The following POLR3B variants were observed in gnomAD, a reference collection of about 807,000 sequenced individuals.
POLR3B encodes the protein RNA polymerase III subunit B.
In POLR3B, 96 loss-of-function variants were observed where a neutral mutation model predicts 147.4. That is an observed-to-expected ratio of 0.65 (90% confidence interval 0.55 to 0.77). The LOEUF (loss-of-function observed/expected upper bound fraction) is 0.77. Among genes scored for constraint, POLR3B ranks in the 30% least tolerant of loss-of-function variants. The pLI is 0.00. For missense variants in POLR3B, 1,036 were observed against 1,413.5 expected (o/e 0.73, Z 4.28); for synonymous variants, 461 against 485.9 (o/e 0.95, Z 0.67).
Position 106,357,795 on chromosome 12 carries a change from C to A in POLR3B, c.-85C>A. 1 of 1,347,578 alleles carries A rather than the reference C, an allele frequency of 7.4e-7. No individual in the cohort carries two copies. The highest frequency in any genetic ancestry group is 1.0e-6 in the Non-Finnish European group (1 of 958,708). 83.5% of individuals were successfully genotyped at this position (1,347,578 alleles called of 1,614,324 possible). A position where few individuals can be genotyped will look rare whatever the true frequency, so the allele number is the denominator to read the frequency against. ...GGGGACAGTTTAGGCCTCCGCGCAC[C>A]GTTCGCCGGGAGTCTTGCAGTTTGC... is the stretch of plus-strand genomic sequence containing the variant. On this transcript the variant is annotated 5_prime_UTR_variant, in exon 1 of 28. Coordinates refer to ENST00000228347, the MANE Select transcript of POLR3B (RefSeq NM_018082.6).
Position 106,509,521 on chromosome 12 carries a change from G to C in POLR3B, c.3374G>C (p.Arg1125Thr), listed in dbSNP as rs749008585. 1.2e-6 allele frequency: 2 copies of C among 1,612,892 alleles called. No homozygotes were observed. Among genetic ancestry groups the C allele is most frequent in the African/African-American group, 1.3e-5 (1 of 74,864 alleles). ...QELQSMNIIP[R>T]LKLSKYNE is the part of the protein sequence containing the mutation. The stretch of plus-strand genomic sequence containing the variant: ...CTACAGTCTATGAACATCATCCCCA[G>C]GTTAAAACTGTCCAAGTACAATGAA... The change falls in exon 28 of 28, where the codon AGG (arginine) becomes ACG (threonine). Residue 1125 changes from arginine to threonine, a missense_variant. Physicochemically the swap from Arg to Thr is moderately conservative, Grantham distance 71. Coordinates refer to ENST00000228347, the MANE Select transcript of POLR3B (RefSeq NM_018082.6).
Position 106,509,674 on chromosome 12 carries a change from CAA to C in POLR3B, c.*133_*134del. ...TTGCGTATTCTCTCTCTAAAACAAC[CAA>C]AAAAAAATGGAGAGGCTTTTTATAT... On this transcript the variant is annotated 3_prime_UTR_variant, in exon 28 of 28. Transcript: ENST00000228347. 1.2e-6 allele frequency: 1 copy of C among 852,558 alleles called. No individual in the cohort carries two copies. The highest frequency in any genetic ancestry group is 1.8e-6 in the Non-Finnish European group (1 of 550,922). The allele number at this position is 852,558 out of a possible 1,614,324, so 52.8% of individuals were successfully genotyped here.
chr12:106,376,291 T>G, intron 6 of POLR3B, 68 bp from the exon 7 acceptor site: 1 of 1,052,960 alleles, frequency 9.5e-7, no homozygotes, highest in Non-Finnish European at 1.5e-6. Context: ...CTGCATGTTT[T>G]GTATTTTTTG....
At chr12:106,478,692 C>T (rs1349879458) in intron 23 of POLR3B, among the ~76,000 whole-genome samples, 1 of 151,980 alleles carries the variant, frequency 6.6e-6, no homozygotes, top group African/African-American at 2.4e-5. Flanking sequence ...TGACATGGGA[C>T]TCGTAACTGG....
At chr12:106,501,484 A>G in intron 26 of POLR3B, 48 bp downstream of exon 26, 1 of 1,109,794 alleles carries the variant, frequency 9.0e-7, no homozygotes, top group East Asian at 2.4e-5. Flanking sequence ...AGTCAAGTCC[A>G]CCTTGTATTT....
intron 2 of POLR3B, among the ~76,000 whole-genome samples, chr12:106,365,084 G>A (rs993086077): frequency 2.6e-5 from 4 of 152,096 alleles, no homozygotes; most frequent in Non-Finnish European, 5.9e-5. Context: ...GCAGTGAGCC[G>A]AGATCGCGCC....
In POLR3B at chr12:106,376,629, C is replaced by CTTTTTTTTTTTTTTTT. The variant is rs137973753; in HGVS notation, c.496+185_496+186insTTTTTTTTTTTTTTTT. 6.8e-5 allele frequency among the ~76,000 whole-genome samples: 10 copies of CTTTTTTTTTTTTTTTT among 147,442 alleles called. 2 individuals carry two copies. The highest frequency in any genetic ancestry group is 2.3e-4 in the African/African-American group (9 of 38,856). On this transcript the variant is annotated intron_variant, in intron 7 of 27. Transcript: ENST00000228347. The stretch of plus-strand genomic sequence containing the variant: ...GCTACTAGTCTGTATTTCTTTCTTT[C>CTTTTTTTTTTTTTTTT]TTTTTTGAGATAGTGTCTCACTCTG...
chr12:106,474,440 G>T (rs1185799760), intron 23 of POLR3B, among the ~76,000 whole-genome samples: 1 of 93,934 alleles, frequency 1.1e-5, no homozygotes, highest in East Asian at 3.0e-4. Context: ...AGAAGGAATG[G>T]TACCAGTTCC....
intron 11 of POLR3B, chr12:106,410,559 A>G (rs1298317376): frequency 2.2e-6 from 1 of 454,344 alleles, no homozygotes; most frequent in East Asian, 4.2e-5. Context: ...ACCTTTAATG[A>G]AGGAATGGCA....
chr12:106,369,235 C>T lies in POLR3B; in HGVS notation c.228-40C>T, dbSNP rs7134881. 0.32 allele frequency: 326,626 copies of T among 1,032,724 alleles called. 57,027 individuals carry two copies. Among genetic ancestry groups the T allele is most frequent in the African/African-American group, 0.61 (39,066 of 63,842 alleles). The allele number at this position is 1,032,724 out of a possible 1,614,324, so 64.0% of individuals were successfully genotyped here. Reference sequence around the variant, plus strand: ...ATAGCTTGTTTGCTTTTATGATCTTCGAAGAAGTATAATTCATACCGCACT... The same window carrying T: ...ATAGCTTGTTTGCTTTTATGATCTTTGAAGAAGTATAATTCATACCGCACT... On this transcript the variant is annotated intron_variant, in intron 4 of 27. Coordinates refer to ENST00000228347, the MANE Select transcript of POLR3B (RefSeq NM_018082.6).
At chr12:106,379,914 C>T (rs1015147018) in intron 8 of POLR3B, 117 bp from the exon 9 acceptor site, 14 of 709,816 alleles carry the variant, frequency 2.0e-5, no homozygotes, top group South Asian at 4.5e-5. Context: ...TAGAAAGGAC[C>T]TTGTGATTGT....
chr12:106,461,881 C>T (rs952894822), intron 22 of POLR3B, among the ~76,000 whole-genome samples: 1 of 152,174 alleles, frequency 6.6e-6, no homozygotes, highest in Admixed American at 6.5e-5. Flanking sequence ...CCCCAGTTCT[C>T]AGCACTCCAG....
Position 106,500,406 on chromosome 12 carries a change from G to T in POLR3B, c.2985-917G>T, listed in dbSNP as rs563761650. Among the ~76,000 whole-genome samples the T allele has an allele frequency of 2.0e-5, 3 of 152,312 alleles. No individual in the cohort carries two copies. The East Asian group carries it at 5.8e-4, about 29-fold the overall frequency. ...TTGTGTGCCAGGCAGGGTCACAGGT[G>T]CTGGAGCCACCGTGACAAAGGAGAC... On this transcript the variant is annotated intron_variant, in intron 25 of 27. Transcript: ENST00000228347.
Position 106,364,911 on chromosome 12 carries a change from G to A in POLR3B, c.105+1009G>A, listed in dbSNP as rs79210013. Among the ~76,000 whole-genome samples the A allele has an allele frequency of 1.8e-3, 281 of 152,296 alleles. 5 individuals are homozygous for A. In the East Asian group the frequency reaches 0.047, roughly 25 times the overall value. On this transcript the variant is annotated intron_variant, in intron 2 of 27. Transcript: ENST00000228347. ...AGCACCTGGGGAGGCTGAGGTGGGC[G>A]GATCACGAGGTCAGGAGTTTGAGAC...
intron 9 of POLR3B, among the ~76,000 whole-genome samples, chr12:106,386,803 A>T (rs577504121): frequency 6.6e-6 from 1 of 152,148 alleles, no homozygotes; most frequent in East Asian, 1.9e-4. Context: ...GCTACTCAGG[A>T]GGCTGAGGCA....
intron 19 of POLR3B, 59 bp from the exon 20 acceptor site, chr12:106,454,443 C>A: frequency 1.2e-6 from 1 of 838,924 alleles, no homozygotes; most frequent in Non-Finnish European, 2.1e-6. Context: ...ATATTCATTA[C>A]TACCTTATTA....
intron 23 of POLR3B, among the ~76,000 whole-genome samples, chr12:106,468,923 T>G (rs751894579): frequency 6.6e-6 from 1 of 152,194 alleles, no homozygotes; most frequent in Non-Finnish European, 1.5e-5. Flanking sequence ...TTCTGTTGAT[T>G]TGGGGTGGAG....
Position 106,432,298 on chromosome 12 carries a change from G to A in POLR3B, c.1465-20G>A. On this transcript the variant is annotated intron_variant, in intron 14 of 27. Coordinates refer to ENST00000228347, the MANE Select transcript of POLR3B (RefSeq NM_018082.6). ...ATTACTAATGTTCATTCTTAGAAAT[G>A]ACCATCTTTTGTTTTTTAGGCATGT... The A allele has an allele frequency of 6.2e-7, 1 of 1,609,832 alleles. No individual in the cohort carries two copies. The highest frequency in any genetic ancestry group is 8.5e-7 in the Non-Finnish European group (1 of 1,176,332).
At position 106,430,064 on chromosome 12, in the gene POLR3B, A is replaced by G. The variant is rs188968387; in HGVS notation, c.1264-209A>G. Among the ~76,000 whole-genome samples, 16 of 152,346 alleles carry G rather than the reference A, an allele frequency of 1.1e-4. No individual in the cohort carries two copies. In the East Asian group the frequency reaches 3.1e-3, roughly 29 times the overall value. ...TAATTCTGAGATGGTTGCTAGACAT[A>G]GTAATGTTCATTATCTTCCTAGAAA... On this transcript the variant is annotated intron_variant, in intron 13 of 27. Transcript: ENST00000228347.
Sources: allele counts gnomAD v4.1 joint callset (sites outside exome capture counted in the v4.1 genomes callset), GRCh38; gene constraint gnomAD v4.1.1; transcripts MANE v1.5; gene names NCBI Gene and HGNC (gene_info 2026-07-23, HGNC 2026-07-21).